ZMYM2: variants seen among roughly 807,000 people sequenced by gnomAD.
ZMYM2 encodes the protein zinc finger MYM-type protein 2.
In ZMYM2, 56 loss-of-function variants were observed where a neutral mutation model predicts 162.8. The ratio of observed to expected loss-of-function variants is 0.34; its 90% CI spans 0.28 to 0.43. The LOEUF (loss-of-function observed/expected upper bound fraction) is 0.43, where lower values mean the gene tolerates loss of function less well. ZMYM2 is among the 20% of genes least tolerant of loss of function. The probability of loss-of-function intolerance (pLI) is 1.00; values close to 1 mark genes in which losing one functional copy is unlikely to be tolerated. For missense variants in ZMYM2, 1,275 were observed against 1,621.8 expected (o/e 0.79, Z 3.67); for synonymous variants, 510 against 541.6 (o/e 0.94, Z 0.81).
chr13:19,924,134 T>C, the ZMYM2 span, among the ~76,000 whole-genome samples: 1 of 152,198 alleles, frequency 6.6e-6, no homozygotes, highest in Admixed American at 6.5e-5. Context: ...AACTTTTTAA[T>C]CTTGCAAAAC....
the ZMYM2 span, among the ~76,000 whole-genome samples, chr13:19,910,100 G>A: frequency 7.2e-5 from 11 of 151,880 alleles, no homozygotes; most frequent in Admixed American, 2.0e-4. Flanking sequence ...GGTGGCGGGT[G>A]CCTGTAGTCC....
Position 20,058,595 on chromosome 13 carries a change from T to A in ZMYM2, c.2514T>A (p.Ser838=). The A allele has an allele frequency of 1.2e-6, 2 of 1,613,712 alleles. No individual in the cohort carries two copies. Among genetic ancestry groups the A allele is most frequent in the Non-Finnish European group, 1.7e-6 (2 of 1,179,728 alleles). The change falls in exon 15 of 25, where the codon TCT becomes TCA. Residue 838 remains serine, a synonymous_variant. Transcript: ENST00000610343. ...TKMTGSAPPP[S]PTPNKEMKNK... is the part of the protein sequence containing the mutation. ...CATAGGGTTCAGCACCACCCCCTTC[T>A]CCAACACCTAACAAAGAGATGAAGA...
At chr13:19,868,519 G>A in the ZMYM2 span, among the ~76,000 whole-genome samples, 1 of 152,086 alleles carries the variant, frequency 6.6e-6, no homozygotes, top group African/African-American at 2.4e-5. Flanking sequence ...CTTTTAGTGG[G>A]ACATAGTAGT....
intron 2 of ZMYM2, among the ~76,000 whole-genome samples, chr13:19,973,682 A>G (rs569212699): frequency 6.6e-6 from 1 of 150,870 alleles, no homozygotes; most frequent in Non-Finnish European, 1.5e-5. Context: ...AAAAAAAAAA[A>G]AAAAAAACAC....
the ZMYM2 span, among the ~76,000 whole-genome samples, chr13:19,939,704 AT>A: frequency 2.0e-5 from 3 of 152,252 alleles, no homozygotes. Flanking sequence ...AAATATATCT[AT>A]TGTGGAACAT....
intron 3 of ZMYM2, among the ~76,000 whole-genome samples, chr13:20,001,426 A>G (rs1213484852): frequency 1.3e-5 from 2 of 151,478 alleles, no homozygotes; most frequent in Admixed American, 1.3e-4. Context: ...GAGCCCGAAG[A>G]TGAGATTGAA....
At chr13:19,924,907 G>C in the ZMYM2 span, among the ~76,000 whole-genome samples, 523 of 148,882 alleles carry the variant, frequency 3.5e-3, 2 homozygotes, top group African/African-American at 0.012. Flanking sequence ...TTTTGAGATG[G>C]AGTTTTGCTC....
At chr13:19,884,059 A>G in the ZMYM2 span, among the ~76,000 whole-genome samples, 1 of 152,300 alleles carries the variant, frequency 6.6e-6, no homozygotes, top group East Asian at 1.9e-4. Flanking sequence ...GGCGTGGCCT[A>G]TATATAAAAT....
chr13:20,041,871 T>C (rs142130743), intron 12 of ZMYM2, among the ~76,000 whole-genome samples: 1 of 152,024 alleles, frequency 6.6e-6, no homozygotes, highest in African/African-American at 2.4e-5. Context: ...AAAAAAAGGG[T>C]TGAATATTGG....
upstream of ZMYM2, among the ~76,000 whole-genome samples, chr13:19,954,431 A>G (rs1451603027): frequency 6.6e-6 from 1 of 151,888 alleles, no homozygotes; most frequent in Non-Finnish European, 1.5e-5. Context: ...AAAATTTTTT[A>G]AGATGACATG....
At chr13:19,917,728 T>C in the ZMYM2 span, among the ~76,000 whole-genome samples, 1 of 152,170 alleles carries the variant, frequency 6.6e-6, no homozygotes, top group Non-Finnish European at 1.5e-5. Flanking sequence ...TTGTCTCCAC[T>C]GTGCTCTCCT....
At chr13:19,881,966 T>G in the ZMYM2 span, among the ~76,000 whole-genome samples, 1 of 120,276 alleles carries the variant, frequency 8.3e-6, no homozygotes, top group African/African-American at 3.2e-5. Context: ...TGGGCAAGAG[T>G]GAGACTCTGT....
the ZMYM2 span, among the ~76,000 whole-genome samples, chr13:19,953,404 G>T: frequency 1.3e-5 from 2 of 152,026 alleles, no homozygotes; most frequent in African/African-American, 4.8e-5. Context: ...CAACCTATAG[G>T]CTGGGCACGG....
the ZMYM2 span, among the ~76,000 whole-genome samples, chr13:19,894,837 T>A: frequency 6.6e-6 from 1 of 151,818 alleles, no homozygotes; most frequent in Admixed American, 6.6e-5. Flanking sequence ...ACGCCTGTAA[T>A]CCTAGCACTT....
intron 2 of ZMYM2, among the ~76,000 whole-genome samples, chr13:19,962,463 T>C (rs1341172161): frequency 2.0e-5 from 3 of 148,162 alleles, no homozygotes; most frequent in Non-Finnish European, 4.4e-5. Flanking sequence ...ATGTCGTTGA[T>C]TATGAGAAGA....
intron 2 of ZMYM2, among the ~76,000 whole-genome samples, chr13:19,977,729 G>T (rs1201927870): frequency 6.7e-6 from 1 of 150,300 alleles, no homozygotes; most frequent in Non-Finnish European, 1.5e-5. Context: ...TGACCTTGTG[G>T]TCCACCCACC....
intron 10 of ZMYM2, among the ~76,000 whole-genome samples, chr13:20,031,803 A>G (rs552250778): frequency 1.1e-4 from 16 of 151,394 alleles, no homozygotes; most frequent in South Asian, 2.1e-4. Context: ...GTACCTGTAC[A>G]TATTAGAATG....
the ZMYM2 span, among the ~76,000 whole-genome samples, chr13:19,868,744 AATTATT>A: frequency 1.3e-5 from 2 of 151,900 alleles, no homozygotes; most frequent in African/African-American, 2.4e-5. Context: ...AATAGAACCA[AATTATT>A]ATTATTATTA....
chr13:20,057,237 G>A (rs1384134020), intron 14 of ZMYM2, among the ~76,000 whole-genome samples: 1 of 151,946 alleles, frequency 6.6e-6, no homozygotes, highest in African/African-American at 2.4e-5. Flanking sequence ...AGAGTAGCTG[G>A]GACTAGAGGT....
Sources: gnomAD v4.1 joint callset for allele counts (sites outside exome capture counted in the v4.1 genomes callset) on GRCh38, gnomAD v4.1.1 for gene constraint, MANE v1.5 for transcripts, NCBI Gene and HGNC (gene_info 2026-07-23, HGNC 2026-07-21) for gene names.